The following MECOM variants were observed in gnomAD, a reference collection of about 807,000 sequenced individuals.
MECOM encodes histone-lysine N-methyltransferase MECOM.
A neutral mutation model predicts 116.3 loss-of-function variants in MECOM; 13 were observed. The ratio of observed to expected loss-of-function variants is 0.11; its 90% CI spans 0.07 to 0.18. The LOEUF (loss-of-function observed/expected upper bound fraction) is 0.18. Among genes scored for constraint, MECOM ranks in the 10% least tolerant of loss-of-function variants. The pLI, the probability that MECOM is intolerant of heterozygous loss-of-function variation, is 1.00. For synonymous variants in MECOM, 528 were observed against 535.2 expected, an observed-to-expected ratio of 0.99 and a Z score of 0.19; for missense variants, 1,299 against 1,509.0, an observed-to-expected ratio of 0.86 and a Z score of 2.31.
At chr3:169,289,452 C>A (rs1412877793) in intron 2 of MECOM, among the ~76,000 whole-genome samples, 1 of 152,184 alleles carries the variant, frequency 6.6e-6, no homozygotes, top group African/African-American at 2.4e-5. Flanking sequence ...AAACCACATC[C>A]TTCCTTCTTG....
At chr3:169,186,724 G>T (rs1217462788) in intron 2 of MECOM, among the ~76,000 whole-genome samples, 2 of 152,034 alleles carry the variant, frequency 1.3e-5, no homozygotes, top group Admixed American at 6.6e-5. Context: ...GTTTACACTT[G>T]CTAACTAACG....
At chr3:169,651,573 G>A (rs1389101658) in intron 1 of MECOM, among the ~76,000 whole-genome samples, 2 of 152,144 alleles carry the variant, frequency 1.3e-5, no homozygotes, top group Admixed American at 1.3e-4. Flanking sequence ...TGTTCTCGCT[G>A]ATATATGGGA....
intron 2 of MECOM, among the ~76,000 whole-genome samples, chr3:169,360,797 T>C (rs1227457690): frequency 6.6e-6 from 1 of 151,824 alleles, no homozygotes; most frequent in African/African-American, 2.4e-5. Context: ...AAAACACTGA[T>C]GCCTTGGGAA....
chr3:169,180,984 T>A (rs910576242), intron 2 of MECOM, among the ~76,000 whole-genome samples: 1 of 151,926 alleles, frequency 6.6e-6, no homozygotes, highest in Non-Finnish European at 1.5e-5. Flanking sequence ...AGAGTTATAA[T>A]AACTGCTGTA....
intron 2 of MECOM, among the ~76,000 whole-genome samples, chr3:169,337,840 T>C (rs1723827050): frequency 6.6e-6 from 1 of 152,178 alleles, no homozygotes; most frequent in Non-Finnish European, 1.5e-5. Flanking sequence ...ATTTTTCACA[T>C]GGTGACTAAT....
chr3:169,276,044 G>T (rs1759531213), intron 2 of MECOM, among the ~76,000 whole-genome samples: 1 of 152,040 alleles, frequency 6.6e-6, no homozygotes, highest in Non-Finnish European at 1.5e-5. Context: ...AGAGTCACTT[G>T]AATATATTTA....
At chr3:169,556,350 C>T (rs1179687162) in intron 1 of MECOM, among the ~76,000 whole-genome samples, 1 of 152,188 alleles carries the variant, frequency 6.6e-6, no homozygotes, top group African/African-American at 2.4e-5. Context: ...ATACGACCCT[C>T]TGATCTACTG....
rs541689545 is a variant in MECOM, at chr3:169,256,708, G to T, written c.376-112876C>A. ...AAGCTGGATCCAGTAGATACACTCA[G>T]TCATCAGTAGAAAAAGGTTCAGTGA... On this transcript the variant is annotated intron_variant, in intron 2 of 16. Coordinates refer to ENST00000651503, the MANE Select transcript of MECOM (RefSeq NM_004991.4). Among the ~76,000 whole-genome samples the T allele has an allele frequency of 3.0e-4, 45 of 152,310 alleles. No homozygotes were observed. The South Asian group carries it at 6.0e-3, about 20-fold the overall frequency.
chr3:169,584,543 C>G (rs1177633758), intron 1 of MECOM, among the ~76,000 whole-genome samples: 1 of 131,586 alleles, frequency 7.6e-6, no homozygotes, highest in Non-Finnish European at 1.5e-5. Context: ...CCAGCCTGGG[C>G]GAAAGAGCGA....
At chr3:169,629,755 C>T (rs1345024497) in intron 1 of MECOM, among the ~76,000 whole-genome samples, 1 of 152,202 alleles carries the variant, frequency 6.6e-6, no homozygotes, top group Admixed American at 6.5e-5. Context: ...GGGAGGTTTG[C>T]TGTGGGTCAC....
intron 2 of MECOM, among the ~76,000 whole-genome samples, chr3:169,367,364 G>C (rs1729364552): frequency 6.9e-6 from 1 of 144,564 alleles, no homozygotes; most frequent in Admixed American, 7.0e-5. Flanking sequence ...TTTTTTGTGG[G>C]GGTAGGCAGA....
intron 2 of MECOM, chr3:169,146,107 T>G: frequency 2.4e-6 from 1 of 413,140 alleles, no homozygotes; most frequent in Non-Finnish European, 3.6e-6. Flanking sequence ...AACACACTCC[T>G]GTGTTTTTAA....
intron 1 of MECOM, among the ~76,000 whole-genome samples, chr3:169,492,439 A>T (rs1449302437): frequency 2.0e-5 from 3 of 152,130 alleles, no homozygotes; most frequent in Non-Finnish European, 4.4e-5. Context: ...TTATTCTGGA[A>T]TTTTTATCCT....
At chr3:169,322,041 A>C (rs1292006889) in intron 2 of MECOM, among the ~76,000 whole-genome samples, 1 of 152,204 alleles carries the variant, frequency 6.6e-6, no homozygotes, top group African/African-American at 2.4e-5. Context: ...ATAATCTTAC[A>C]AAATAATATT....
chr3:169,528,726 G>T (rs971621660), intron 1 of MECOM, among the ~76,000 whole-genome samples: 2 of 152,184 alleles, frequency 1.3e-5, no homozygotes, highest in African/African-American at 4.8e-5. Flanking sequence ...TTATTAAAAA[G>T]TTAGATTTAT....
intron 2 of MECOM, among the ~76,000 whole-genome samples, chr3:169,181,932 T>C (rs934287993): frequency 5.9e-5 from 9 of 152,204 alleles, no homozygotes; most frequent in African/African-American, 1.9e-4. Flanking sequence ...TGCAGGTTAT[T>C]ATGAGAATTA....
chr3:169,401,199 T>C (rs1360597468), intron 1 of MECOM, among the ~76,000 whole-genome samples: 1 of 152,176 alleles, frequency 6.6e-6, no homozygotes, highest in Non-Finnish European at 1.5e-5. Context: ...GATGCTCACG[T>C]AATCCCTCCC....
intron 1 of MECOM, among the ~76,000 whole-genome samples, chr3:169,532,162 CT>C (rs1411275386): frequency 2.0e-5 from 3 of 152,204 alleles, no homozygotes. Context: ...TGCATGAGAG[CT>C]CGTTAAAACA....
At chr3:169,583,307 A>G (rs950713425) in intron 1 of MECOM, among the ~76,000 whole-genome samples, 2 of 152,208 alleles carry the variant, frequency 1.3e-5, no homozygotes, top group Non-Finnish European at 2.9e-5. Flanking sequence ...AATTCTACTT[A>G]TATCCCTCGA....
Sources: gnomAD v4.1 joint callset for allele counts (sites outside exome capture counted in the v4.1 genomes callset) on GRCh38, gnomAD v4.1.1 for gene constraint, MANE v1.5 for transcripts, NCBI Gene and HGNC (gene_info 2026-07-23, HGNC 2026-07-21) for gene names.